Variants in MBL2 observed in about 807,000 individuals in gnomAD.
The protein encoded by MBL2 is mannose-binding protein C.
A neutral mutation model predicts 12.7 loss-of-function variants in MBL2; 6 were observed. The observed-to-expected ratio is 0.47, with a 90% CI of 0.26 to 0.94. MBL2 has a LOEUF of 0.94. MBL2 is among the 40% of genes least tolerant of loss of function. The pLI, the probability that MBL2 is intolerant of heterozygous loss-of-function variation, is 0.15. For missense variants in MBL2, 307 were observed against 295.2 expected, an observed-to-expected ratio of 1.04 and a Z score of -0.29; for synonymous variants, 114 against 112.0, an observed-to-expected ratio of 1.02 and a Z score of -0.11.
At chr10:52,772,636 TC>T in intron 1 of MBL2, 100 bp downstream of exon 1, 5 of 458,682 alleles carry the variant, frequency 1.1e-5, no homozygotes, top group Non-Finnish European at 1.4e-5. Context: ...TCCATCCCAC[TC>T]CCCCCACCCC....
chr10:52,769,576 C>A (rs1840360085), intron 3 of MBL2, among the ~76,000 whole-genome samples: 1 of 152,170 alleles, frequency 6.6e-6, no homozygotes, highest in Admixed American at 6.5e-5. Flanking sequence ...CATATACTCC[C>A]TGATTACCTA....
At chr10:52,770,937 A>C (rs1840381316) in intron 2 of MBL2, 151 bp from the exon 3 acceptor site, 1 of 482,888 alleles carries the variant, frequency 2.1e-6, no homozygotes, top group Non-Finnish European at 3.6e-6. Flanking sequence ...TATGGTGGGC[A>C]CCTGAGAGCA....
intron 1 of MBL2, among the ~76,000 whole-genome samples, chr10:52,771,868 G>T (rs72661125): frequency 5.3e-5 from 8 of 152,228 alleles, no homozygotes; most frequent in African/African-American, 1.2e-4. Flanking sequence ...CCTAAGGAGG[G>T]GTTCATCTGT....
rs369533862 is a variant in MBL2, at chr10:52,765,453, A to C, written c.*2684T>G. On this transcript the variant is annotated 3_prime_UTR_variant, in exon 5 of 5. Coordinates refer to ENST00000674931, the MANE Select transcript of MBL2 (RefSeq NM_001378373.1). ...TAAAAATCGATATGTGTTATGTATA[A>C]TATCACATTATCTCATTAAAAAGCA... The C allele has an allele frequency of 2.6e-5, 4 of 152,220 alleles. No homozygotes were observed. The highest frequency in any genetic ancestry group is 1.3e-4 in the Admixed American group (2 of 15,288). 9.4% of individuals were successfully genotyped at this position (152,220 alleles called of 1,614,324 possible).
Position 52,768,166 on chromosome 10 carries a change from G to T in MBL2, c.718C>A (p.His240Asn). 6.2e-7 allele frequency: 1 copy of T among 1,609,914 alleles called. No homozygotes were observed. The highest frequency in any genetic ancestry group is 1.1e-5 in the South Asian group (1 of 90,398). The part of the protein sequence containing the change: ...QWNDVPCSTS[H>N]LAVCEFPI ...ATAGGGAACTCACAGACGGCCAGAT[G>T]GGAGGTGGAGCAGGGGACGTCATTC... The change falls in exon 5 of 5, where the codon CAT (histidine) becomes AAT (asparagine). Residue 240 changes from histidine (H) to asparagine (N), a missense_variant. By Grantham distance (68) the His-to-Asn change is moderately conservative (BLOSUM62 1). Coordinates refer to ENST00000674931, the MANE Select transcript of MBL2 (RefSeq NM_001378373.1).
At chr10:52,772,029 CTT>C (rs1840401763) in intron 1 of MBL2, among the ~76,000 whole-genome samples, 1 of 78,878 alleles carries the variant, frequency 1.3e-5, no homozygotes, top group South Asian at 3.6e-4. Context: ...GGAGCTTCCT[CTT>C]TCTCTCCATG....
Position 52,768,527 on chromosome 10 carries a change from T to C in MBL2, c.374-17A>G, listed in dbSNP as rs371562521. On this transcript the variant is annotated splice_polypyrimidine_tract_variant and intron_variant, in intron 4 of 4. Transcript: ENST00000674931. ...AGGTGAGCCCTAAAATGTGAAAAAG[T>C]GGGTGAAACTGACTCATCCTTAAGC... 3.9e-6 allele frequency: 6 copies of C among 1,519,840 alleles called. No homozygotes were observed. The African/African-American group carries it at 8.4e-5, about 21-fold the overall frequency. The allele number at this position is 1,519,840 out of a possible 1,614,324, so 94.1% of individuals were successfully genotyped here.
rs1840304568 is a variant in MBL2, at chr10:52,766,381, A to G, written c.*1756T>C. On this transcript the variant is annotated 3_prime_UTR_variant, in exon 5 of 5. Transcript: ENST00000674931. The stretch of plus-strand genomic sequence containing the variant: ...ACAGCCCAGAAACAGACACACACAC[A>G]TACAGTTACCTAACTTACAAAAATG... The G allele has an allele frequency of 6.6e-6, 1 of 152,194 alleles. No individual in the cohort carries two copies. Among genetic ancestry groups the G allele is most frequent in the South Asian group, 2.1e-4 (1 of 4,830 alleles). 9.4% of individuals were successfully genotyped at this position (152,194 alleles called of 1,614,324 possible).
In MBL2 at chr10:52,767,330, C is replaced by T. The variant is rs1238123089; in HGVS notation, c.*807G>A. 1.3e-5 allele frequency: 2 copies of T among 152,102 alleles called. No individual in the cohort carries two copies. The highest frequency in any genetic ancestry group is 6.5e-5 in the Admixed American group (1 of 15,286). 9.4% of individuals were successfully genotyped at this position (152,102 alleles called of 1,614,324 possible). On this transcript the variant is annotated 3_prime_UTR_variant, in exon 5 of 5. Transcript: ENST00000674931. ...CAATGAAAAGGATGAAACTTTTGTA[C>T]ACATGACATGAATGAATCTCACAGA...
intron 3 of MBL2, 31 bp from the exon 4 acceptor site, chr10:52,769,346 T>G (rs1352733491): frequency 2.8e-6 from 4 of 1,441,708 alleles, no homozygotes; most frequent in Non-Finnish European, 3.9e-6. Flanking sequence ...AAAGAAGCAT[T>G]GTTGAGAAGG....
At position 52,772,740 on chromosome 10, in the gene MBL2, T is replaced by A. The variant is rs181316107; in HGVS notation, c.-13A>T. On this transcript the variant is annotated 5_prime_UTR_variant, in exon 1 of 5. Coordinates refer to ENST00000674931, the MANE Select transcript of MBL2 (RefSeq NM_001378373.1). Reference sequence around the variant, plus strand: ...TTATTCACCAGAAATGACTTACTGGTGTTTCTGCAGAGCAGGGACTCAGTG... The same window carrying A: ...TTATTCACCAGAAATGACTTACTGGAGTTTCTGCAGAGCAGGGACTCAGTG... 2.7e-4 allele frequency: 269 copies of A among 985,276 alleles called. No individual in the cohort carries two copies. Among genetic ancestry groups the A allele is most frequent in the Non-Finnish European group, 3.1e-4 (258 of 829,906 alleles). The allele number at this position is 985,276 out of a possible 1,614,324, so 61.0% of individuals were successfully genotyped here.
In MBL2 at chr10:52,771,576, T is replaced by C; in HGVS notation, c.60A>G (p.Ser20=). ...GGGCATCCTCACAGGTCACAGTTTC[T>C]GAGTAAGACGCTGCCACCATACTCA... ...LLLSMVAASY[S]ETVTCEDAQK... is the part of the protein sequence containing the mutation. The change falls in exon 2 of 5, where the codon TCA becomes TCG. Residue 20 remains serine (S), a synonymous_variant. Transcript: ENST00000674931. 1.2e-6 allele frequency: 2 copies of C among 1,613,968 alleles called. No homozygotes were observed. Among genetic ancestry groups the C allele is most frequent in the Non-Finnish European group, 1.7e-6 (2 of 1,179,906 alleles).
rs749896293 is a variant in MBL2 at position 52,769,248 on chromosome 10, CTT to C, written c.370_371del (p.Lys124ValfsTer20). 3 of 1,607,668 alleles carry C rather than the reference CTT, an allele frequency of 1.9e-6. No individual in the cohort carries two copies. Among genetic ancestry groups the C allele is most frequent in the Non-Finnish European group, 2.5e-6 (3 of 1,177,384 alleles). On this transcript the variant is annotated frameshift_variant and splice_region_variant, in exon 4 of 5. Transcript: ENST00000674931. LOFTEE classifies it low-confidence loss of function (END_TRUNC). ...ALQTEMARIKKWLTFSLGKQV... is the reference protein window; with the variant it reads ...ALQTEMARIKXWLTFSLGKQV... The stretch of plus-strand genomic sequence containing the variant: ...TGGAGAGTAAGAGAAAAAGCTTACA[CTT>C]TTTGATACGTGCCATTTCTGTTTGC...
intron 4 of MBL2, among the ~76,000 whole-genome samples, 193 bp downstream of exon 4, chr10:52,769,054 C>T (rs1840351053): frequency 6.6e-6 from 1 of 151,994 alleles, no homozygotes; most frequent in South Asian, 2.1e-4. Flanking sequence ...CATTTATTAG[C>T]TCTGTGCATT....
In MBL2 at chr10:52,771,496, G is replaced by T. The variant is rs1840391359; in HGVS notation, c.140C>A (p.Pro47Gln). 6.2e-7 allele frequency: 1 copy of T among 1,613,870 alleles called. No homozygotes were observed. Among genetic ancestry groups the T allele is most frequent in the Non-Finnish European group, 8.5e-7 (1 of 1,179,840 alleles). The change falls in exon 2 of 5, where the codon CCA (proline) becomes CAA (glutamine). Residue 47 changes from proline (P) to glutamine (Q), a missense_variant. Transcript: ENST00000674931. The stretch of plus-strand genomic sequence containing the variant: ...GGTGCCATCACGCCCATCTTTGCCT[G>T]GGAAGCCGTTGATGCCTGGAGAGCT... ...ACSSPGINGF[P>Q]GKDGRDGTKG... is the part of the protein sequence containing the mutation.
chr10:52,766,968 C>T lies in MBL2; in HGVS notation c.*1169G>A, dbSNP rs1840313973. ...ATGGGGAAATATCACTTTACATCCA[C>T]AGGAATAATGAAAATCAAGAGAACT... On this transcript the variant is annotated 3_prime_UTR_variant, in exon 5 of 5. Coordinates refer to ENST00000674931, the MANE Select transcript of MBL2 (RefSeq NM_001378373.1). 6.6e-6 allele frequency: 1 copy of T among 151,952 alleles called. No homozygotes were observed. Among genetic ancestry groups the T allele is most frequent in the African/African-American group, 2.4e-5 (1 of 41,274 alleles). 9.4% of individuals were successfully genotyped at this position (151,952 alleles called of 1,614,324 possible).
chr10:52,768,861 T>C (rs1840347725), intron 4 of MBL2, among the ~76,000 whole-genome samples: 1 of 152,024 alleles, frequency 6.6e-6, no homozygotes. Context: ...TTCTAAATTG[T>C]TAACTTGAGA....
In MBL2 at chr10:52,770,785, G is replaced by T. The variant is rs528637822; in HGVS notation, c.189C>A (p.Gly63=). ...DGTKGEKGEP[G]QGLRGLQGPP... Reference sequence around the variant, plus strand: ...GGCCCTGTAAGCCTCTGAGCCCTTGGCCTGTTGGAAGACAAAGGAAATGTG... The same window carrying T: ...GGCCCTGTAAGCCTCTGAGCCCTTGTCCTGTTGGAAGACAAAGGAAATGTG... Residue 63 remains glycine, a splice_region_variant and synonymous_variant, in exon 3 of 5, where the codon GGC becomes GGA. Coordinates refer to ENST00000674931, the MANE Select transcript of MBL2 (RefSeq NM_001378373.1). The T allele has an allele frequency of 1.4e-6, 2 of 1,444,424 alleles. No homozygotes were observed. 89.5% of individuals were successfully genotyped at this position (1,444,424 alleles called of 1,614,324 possible).
Position 52,768,516 on chromosome 10 carries a change from ATGTG to A in MBL2, c.374-10_374-7del. The A allele has an allele frequency of 2.0e-6, 3 of 1,531,328 alleles. No individual in the cohort carries two copies. The highest frequency in any genetic ancestry group is 2.6e-6 in the Non-Finnish European group (3 of 1,141,998). 94.9% of individuals were successfully genotyped at this position (1,531,328 alleles called of 1,614,324 possible). The stretch of plus-strand genomic sequence containing the variant: ...GCCCAGAGAGAAGGTGAGCCCTAAA[ATGTG>A]AAAAAGTGGGTGAAACTGACTCATC... On this transcript the variant is annotated splice_region_variant and splice_polypyrimidine_tract_variant and intron_variant, in intron 4 of 4. Transcript: ENST00000674931.
Sources: gnomAD v4.1 joint callset for allele counts (sites outside exome capture counted in the v4.1 genomes callset) on GRCh38, gnomAD v4.1.1 for gene constraint, MANE v1.5 for transcripts, NCBI Gene and HGNC (gene_info 2026-07-23, HGNC 2026-07-21) for gene names.